The following MYO10 variants were observed in gnomAD, a reference collection of about 807,000 sequenced individuals.
The protein encoded by MYO10 is unconventional myosin-X.
A neutral mutation model predicts 257.3 loss-of-function variants in MYO10; 133 were observed. The observed-to-expected ratio is 0.52, with a 90% CI of 0.45 to 0.60. The LOEUF (loss-of-function observed/expected upper bound fraction) is 0.60, where lower values mean the gene tolerates loss of function less well. Ranked by LOEUF, MYO10 falls within the 20% of genes least tolerant of loss-of-function variation. MYO10 has a pLI of 0.00. For synonymous variants in MYO10, 1,104 were observed against 1,028.6 expected, an observed-to-expected ratio of 1.07 and a Z score of -1.40; for missense variants, 2,399 against 2,635.7, an observed-to-expected ratio of 0.91 and a Z score of 1.97.
chr5:16,829,211 G>C (rs925843096), intron 2 of MYO10, among the ~76,000 whole-genome samples: 1 of 152,134 alleles, frequency 6.6e-6, no homozygotes, highest in African/African-American at 2.4e-5. Context: ...CTGCAGCAGG[G>C]GCTGACTTGG....
At chr5:16,915,625 TG>T (rs1480765519) in intron 1 of MYO10, among the ~76,000 whole-genome samples, 1 of 152,130 alleles carries the variant, frequency 6.6e-6, no homozygotes, top group Non-Finnish European at 1.5e-5. Flanking sequence ...CCATCAACAG[TG>T]GTCTTCAACA....
In MYO10 at chr5:16,683,882, A is replaced by G. The variant is rs1737121480; in HGVS notation, c.4044T>C (p.Asp1348=). ...TTAAGAGCCACATCTGAGCTTACCTATCAGGGCTGTCAGAGGCACACACAG... is the reference window on the plus strand; with the variant it reads ...TTAAGAGCCACATCTGAGCTTACCTGTCAGGGCTGTCAGAGGCACACACAG... ...IDSVCASDSP[D]RPNSFVIITA... Residue 1348 remains aspartate, a splice_region_variant and synonymous_variant, in exon 30 of 41, where the codon GAT becomes GAC. Transcript: ENST00000513610. 1 of 1,613,640 alleles carries G rather than the reference A, an allele frequency of 6.2e-7. No homozygotes were observed. Among genetic ancestry groups the G allele is most frequent in the Admixed American group, 1.7e-5 (1 of 59,968 alleles).
chr5:16,807,628 C>G (rs1343295181), intron 3 of MYO10, among the ~76,000 whole-genome samples: 1 of 152,084 alleles, frequency 6.6e-6, no homozygotes, highest in African/African-American at 2.4e-5. Flanking sequence ...AACCTTTGTT[C>G]TGGCATCTAG....
chr5:16,765,171 G>A lies in MYO10; in HGVS notation c.1180-775C>T, dbSNP rs140927202. Among the ~76,000 whole-genome samples the A allele has an allele frequency of 5.8e-3, 888 of 152,288 alleles. 11 individuals carry two copies. Among genetic ancestry groups the A allele is most frequent in the African/African-American group, 0.02 (847 of 41,544 alleles). ...TGTCAACTTGATTGAAGGATACAAAGTATTAATCCTGGGTGTGTCTGTGTG... is the reference window on the plus strand; with the variant it reads ...TGTCAACTTGATTGAAGGATACAAAATATTAATCCTGGGTGTGTCTGTGTG... On this transcript the variant is annotated intron_variant, in intron 11 of 40. Transcript: ENST00000513610.
chr5:16,853,573 G>A (rs953991035), intron 2 of MYO10, among the ~76,000 whole-genome samples: 1 of 152,148 alleles, frequency 6.6e-6, no homozygotes, highest in Admixed American at 6.6e-5. Flanking sequence ...GAGGCATGAG[G>A]AAAATGATCC....
At chr5:16,900,744 G>GCTTTTT (rs1554007453) in intron 1 of MYO10, among the ~76,000 whole-genome samples, 1 of 132,752 alleles carries the variant, frequency 7.5e-6, no homozygotes, top group Non-Finnish European at 1.6e-5. Context: ...CCTAAATCTT[G>GCTTTTT]TTTTTTTTTT....
Position 16,823,446 on chromosome 5 carries a change from C to CAGGGGGG in MYO10, c.121-5280_121-5279insCCCCCCT, listed in dbSNP as rs1554000155. Among the ~76,000 whole-genome samples, 24 of 4,190 alleles carry CAGGGGGG rather than the reference C, an allele frequency of 5.7e-3. 2 individuals carry two copies. Among genetic ancestry groups the CAGGGGGG allele is most frequent in the East Asian group, 0.012 (1 of 82 alleles). 2.7% of individuals were successfully genotyped at this position (4,190 alleles called of 152,430 possible). A position where few individuals can be genotyped will look rare whatever the true frequency, so the allele number is the denominator to read the frequency against. ...GATGACAGGGCAAGACTCCATCTTGCGCGGGGGGGGGGGGAGTGGGGATTT... is the reference window on the plus strand; with the variant it reads ...GATGACAGGGCAAGACTCCATCTTGCAGGGGGGGCGGGGGGGGGGGGAGTGGGGATTT... On this transcript the variant is annotated intron_variant, in intron 2 of 40. Coordinates refer to ENST00000513610, the MANE Select transcript of MYO10 (RefSeq NM_012334.3).
At chr5:16,727,963 T>C (rs961147437) in intron 19 of MYO10, among the ~76,000 whole-genome samples, 4 of 152,274 alleles carry the variant, frequency 2.6e-5, no homozygotes, top group Non-Finnish European at 4.4e-5. Flanking sequence ...CCCTTTCTCT[T>C]TAATTATGTC....
intron 1 of MYO10, among the ~76,000 whole-genome samples, chr5:16,887,453 A>G (rs1405024128): frequency 6.6e-6 from 1 of 152,160 alleles, no homozygotes; most frequent in African/African-American, 2.4e-5. Flanking sequence ...TCCCATAGTT[A>G]TGGGTTCCAA....
intron 19 of MYO10, among the ~76,000 whole-genome samples, chr5:16,753,376 C>A (rs2126642076): frequency 6.6e-6 from 1 of 152,068 alleles, no homozygotes; most frequent in Non-Finnish European, 1.5e-5. Flanking sequence ...ATCATGTTAA[C>A]CAGGATGGTC....
At chr5:16,906,718 A>G (rs1265659868) in intron 1 of MYO10, among the ~76,000 whole-genome samples, 1 of 152,034 alleles carries the variant, frequency 6.6e-6, no homozygotes, top group African/African-American at 2.4e-5. Context: ...CAACACTTTC[A>G]TCCCCCACAT....
chr5:16,678,151 A>C (rs1172437832), intron 33 of MYO10, among the ~76,000 whole-genome samples: 1 of 152,228 alleles, frequency 6.6e-6, no homozygotes, highest in Non-Finnish European at 1.5e-5. Flanking sequence ...AGTGTGGCTG[A>C]TACATGATAG....
rs142735061 is a variant in MYO10 at position 16,832,656 on chromosome 5, C to A, written c.121-14489G>T. Among the ~76,000 whole-genome samples, 186 of 152,274 alleles carry A rather than the reference C, an allele frequency of 1.2e-3. 3 individuals carry two copies. The Middle Eastern group carries it at 0.014, about 11-fold the overall frequency. On this transcript the variant is annotated intron_variant, in intron 2 of 40. Transcript: ENST00000513610. ...TCATGTCCCGGTCTTAATTTTAGAA[C>A]CCCTTTTGGAGCCCTGTCTTCTCAG...
intron 2 of MYO10, among the ~76,000 whole-genome samples, chr5:16,838,893 T>A (rs917880833): frequency 2.0e-5 from 3 of 152,214 alleles, no homozygotes; most frequent in African/African-American, 7.2e-5. Context: ...GAGATGCCAG[T>A]ACATCTGTTT....
Position 16,778,831 on chromosome 5 carries a change from T to C in MYO10, c.930+714A>G, listed in dbSNP as rs368836333. Among the ~76,000 whole-genome samples, 39 of 151,756 alleles carry C rather than the reference T, an allele frequency of 2.6e-4. 1 individual carries two copies. In the Middle Eastern group the frequency reaches 0.01, roughly 40 times the overall value. On this transcript the variant is annotated intron_variant, in intron 9 of 40. Transcript: ENST00000513610. The stretch of plus-strand genomic sequence containing the variant: ...TCAGCCTCCCGAGTAGCTGGGACTA[T>C]AGGCGCCCGCCACCACGCCCGGCTA...
chr5:16,856,866 T>A (rs988604516), intron 2 of MYO10, among the ~76,000 whole-genome samples: 1 of 152,198 alleles, frequency 6.6e-6, no homozygotes, highest in African/African-American at 2.4e-5. Flanking sequence ...GGTTCCTTCA[T>A]GCCAGGTGGC....
chr5:16,680,634 C>A (rs1465709020), intron 32 of MYO10, among the ~76,000 whole-genome samples: 4 of 152,114 alleles, frequency 2.6e-5, no homozygotes, highest in African/African-American at 9.7e-5. Context: ...CAACAAAAAT[C>A]AAAATAAGCC....
chr5:16,785,803 G>A lies in MYO10; in HGVS notation c.468-2334C>T, dbSNP rs534567423. ...AAGAATCACTTGAACCTGGGAGGTG[G>A]AGGTTGCAGTGAATGGAGATCACAC... On this transcript the variant is annotated intron_variant, in intron 4 of 40. Transcript: ENST00000513610. 2.2e-4 allele frequency among the ~76,000 whole-genome samples: 34 copies of A among 152,272 alleles called. No homozygotes were observed. In the East Asian group the frequency reaches 6.2e-3, roughly 28 times the overall value.
chr5:16,665,449 A>AT lies in MYO10; in HGVS notation c.*1242_*1243insA, dbSNP rs1442568950. 1 of 152,186 alleles carries AT rather than the reference A, an allele frequency of 6.6e-6. No homozygotes were observed. Among genetic ancestry groups the AT allele is most frequent in the African/African-American group, 2.4e-5 (1 of 41,454 alleles). The allele number at this position is 152,186 out of a possible 1,614,324, so 9.4% of individuals were successfully genotyped here. ...TAAAACTTTTCCATATAAAAATAAAAAGTCCAAGACCAGATTATTTTTCTT... is the reference window on the plus strand; with the variant it reads ...TAAAACTTTTCCATATAAAAATAAAATAGTCCAAGACCAGATTATTTTTCTT... On this transcript the variant is annotated 3_prime_UTR_variant, in exon 41 of 41. Transcript: ENST00000513610.
Sources: allele counts gnomAD v4.1 joint callset (sites outside exome capture counted in the v4.1 genomes callset), GRCh38; gene constraint gnomAD v4.1.1; transcripts MANE v1.5; gene names NCBI Gene and HGNC (gene_info 2026-07-23, HGNC 2026-07-21).